RANBP2: variants seen among roughly 807,000 people sequenced by gnomAD.
RANBP2 encodes RAN binding protein 2.
Under a neutral mutation model 303.6 loss-of-function variants are expected in RANBP2, and 57 were observed. That is an observed-to-expected ratio of 0.19 (90% CI 0.15 to 0.23). The LOEUF (loss-of-function observed/expected upper bound fraction) is 0.23. Ranked by LOEUF, RANBP2 falls within the 10% of genes least tolerant of loss-of-function variation. The pLI, the probability that RANBP2 is intolerant of heterozygous loss-of-function variation, is 1.00. For missense variants in RANBP2, 3,138 were observed against 3,780.8 expected, an observed-to-expected ratio of 0.83 and a Z score of 4.46; for synonymous variants, 1,167 against 1,301.5, an observed-to-expected ratio of 0.90 and a Z score of 2.23.
the RANBP2 span, among the ~76,000 whole-genome samples, chr2:108,819,802 G>T: frequency 6.6e-6 from 1 of 152,112 alleles, no homozygotes; most frequent in Non-Finnish European, 1.5e-5. Flanking sequence ...AAGGAACAGG[G>T]ACATTGATCA....
At chr2:109,348,074 G>T in the RANBP2 span, 18 of 1,334,678 alleles carry the variant, frequency 1.3e-5, no homozygotes, top group Admixed American at 4.3e-4. Flanking sequence ...GCTCCTCCCG[G>T]AACCCTGGGC....
At chr2:108,997,688 A>C in the RANBP2 span, among the ~76,000 whole-genome samples, 5 of 151,850 alleles carry the variant, frequency 3.3e-5, no homozygotes, top group Non-Finnish European at 7.4e-5. Flanking sequence ...TCAGGAGTTC[A>C]AGACCAGCCT....
At chr2:109,335,005 A>T in the RANBP2 span, among the ~76,000 whole-genome samples, 1 of 152,090 alleles carries the variant, frequency 6.6e-6, no homozygotes, top group Non-Finnish European at 1.5e-5. Flanking sequence ...AACGCGATTT[A>T]TGTCACCGCG....
At chr2:108,741,835 T>C (rs966527507) in intron 7 of RANBP2, among the ~76,000 whole-genome samples, 4 of 136,308 alleles carry the variant, frequency 2.9e-5, no homozygotes, top group African/African-American at 1.1e-4. Flanking sequence ...TTTTTTTTAA[T>C]GAGCTTGCAT....
At chr2:109,569,155 G>A in the RANBP2 span, among the ~76,000 whole-genome samples, 2 of 152,180 alleles carry the variant, frequency 1.3e-5, no homozygotes, top group South Asian at 4.2e-4. Context: ...TTGACTGGGC[G>A]TGGTGGCTCA....
At chr2:108,966,248 C>G in the RANBP2 span, among the ~76,000 whole-genome samples, 6 of 152,350 alleles carry the variant, frequency 3.9e-5, no homozygotes, top group South Asian at 1.2e-3. Flanking sequence ...GTTGCCTACT[C>G]AAGTTCCGTC....
chr2:109,291,283 T>C, the RANBP2 span, among the ~76,000 whole-genome samples: 3 of 144,514 alleles, frequency 2.1e-5, no homozygotes, highest in Non-Finnish European at 4.5e-5. Flanking sequence ...GTAATCTCTT[T>C]TTTTTTTTTT....
chr2:109,058,980 C>T, the RANBP2 span, among the ~76,000 whole-genome samples: 2 of 152,108 alleles, frequency 1.3e-5, no homozygotes. Context: ...AGACAGGACA[C>T]AGTGGCCTGT....
chr2:109,383,275 C>T, the RANBP2 span, among the ~76,000 whole-genome samples: 1 of 152,208 alleles, frequency 6.6e-6, no homozygotes, highest in South Asian at 2.1e-4. Flanking sequence ...TCTGATTTTT[C>T]AGCTGGAACC....
the RANBP2 span, among the ~76,000 whole-genome samples, chr2:109,062,061 A>G: frequency 1.3e-5 from 2 of 152,198 alleles, no homozygotes; most frequent in African/African-American, 4.8e-5. Context: ...GGAGGGAGGC[A>G]GAATGGCTGG....
At chr2:109,613,330 C>T in the RANBP2 span, 39 of 385,420 alleles carry the variant, frequency 1.0e-4, no homozygotes, top group African/African-American at 7.1e-4. Context: ...AAAACTTGGA[C>T]GACCACACCA....
chr2:109,632,839 A>G, the RANBP2 span, among the ~76,000 whole-genome samples: 18 of 152,084 alleles, frequency 1.2e-4, no homozygotes, highest in South Asian at 2.1e-4. Flanking sequence ...ACAAAACAAA[A>G]CAAAGCAAAA....
the RANBP2 span, among the ~76,000 whole-genome samples, chr2:109,644,099 C>G: frequency 6.7e-6 from 1 of 150,000 alleles, no homozygotes; most frequent in Admixed American, 6.7e-5. Flanking sequence ...CCAGCCTGGG[C>G]GACAGAGTGA....
chr2:109,456,784 G>A, the RANBP2 span, among the ~76,000 whole-genome samples: 1 of 152,202 alleles, frequency 6.6e-6, no homozygotes, highest in East Asian at 1.9e-4. Context: ...AACGAGTAGG[G>A]CACTGGGAAT....
At chr2:108,837,712 G>A in the RANBP2 span, among the ~76,000 whole-genome samples, 1 of 152,062 alleles carries the variant, frequency 6.6e-6, no homozygotes, top group Non-Finnish European at 1.5e-5. Flanking sequence ...AAACAACCAT[G>A]TTACTGGTTT....
At chr2:108,915,874 G>A in the RANBP2 span, among the ~76,000 whole-genome samples, 1 of 151,684 alleles carries the variant, frequency 6.6e-6, no homozygotes, top group East Asian at 1.9e-4. Context: ...TCCATGCTGG[G>A]CAACAAGAGC....
chr2:109,238,768 GCT>G, the RANBP2 span, among the ~76,000 whole-genome samples: 1 of 152,104 alleles, frequency 6.6e-6, no homozygotes, highest in African/African-American at 2.4e-5. Context: ...ATCCTCTGTG[GCT>G]CTTGCAATAC....
the RANBP2 span, among the ~76,000 whole-genome samples, chr2:109,702,317 AGAG>A: frequency 6.6e-6 from 1 of 152,222 alleles, no homozygotes; most frequent in Non-Finnish European, 1.5e-5. Context: ...GAGATCAGAA[AGAG>A]GAGATGAAGA....
At chr2:109,341,013 G>A in the RANBP2 span, among the ~76,000 whole-genome samples, 3 of 152,218 alleles carry the variant, frequency 2.0e-5, no homozygotes, top group African/African-American at 7.2e-5. Flanking sequence ...TTGCATCCAC[G>A]CAACAGCTTA....
Sources: gnomAD v4.1 joint callset for allele counts (sites outside exome capture counted in the v4.1 genomes callset) on GRCh38, gnomAD v4.1.1 for gene constraint, MANE v1.5 for transcripts, NCBI Gene and HGNC (gene_info 2026-07-23, HGNC 2026-07-21) for gene names.